LGR5: variants seen among roughly 807,000 people sequenced by gnomAD.
The protein encoded by LGR5 is leucine rich repeat containing G protein-coupled receptor 5, also known as leucine-rich repeat-containing G protein-coupled receptor 5.
LGR5 carries 54 observed loss-of-function variants against 76.7 expected under a neutral mutation model. The observed-to-expected ratio is 0.70, with a 90% CI of 0.57 to 0.88. The LOEUF (loss-of-function observed/expected upper bound fraction) is 0.88. Among genes scored for constraint, LGR5 ranks in the 40% least tolerant of loss-of-function variants. LGR5 has a pLI of 0.00. For missense variants in LGR5, 1,078 were observed against 1,073.3 expected (o/e 1.00, Z -0.06); for synonymous variants, 406 against 421.9 (o/e 0.96, Z 0.46).
At chr12:71,529,833 G>T (rs979943205) in intron 3 of LGR5, among the ~76,000 whole-genome samples, 1 of 151,956 alleles carries the variant, frequency 6.6e-6, no homozygotes, top group East Asian at 1.9e-4. Context: ...GTGCACCCCT[G>T]TAATCCCAGC....
chr12:71,578,139 G>GCC (rs1029463155), intron 14 of LGR5, 143 bp downstream of exon 14: 3 of 611,208 alleles, frequency 4.9e-6, no homozygotes, highest in Non-Finnish European at 8.6e-6. Flanking sequence ...GCTTGTCAGA[G>GCC]CCAGGGAGGA....
intron 13 of LGR5, among the ~76,000 whole-genome samples, chr12:71,576,833 A>G (rs1395469538): frequency 6.6e-6 from 1 of 152,100 alleles, no homozygotes; most frequent in East Asian, 1.9e-4. Context: ...TTACTTGCTC[A>G]CCTCAGTGAC....
intron 1 of LGR5, among the ~76,000 whole-genome samples, chr12:71,481,729 A>C (rs1873613576): frequency 1.3e-5 from 2 of 152,350 alleles, no homozygotes; most frequent in Middle Eastern, 3.4e-3. Context: ...TGATTATTGC[A>C]CAAGGTAGGG....
At chr12:71,491,540 A>G (rs1592486281) in intron 1 of LGR5, among the ~76,000 whole-genome samples, 3 of 152,026 alleles carry the variant, frequency 2.0e-5, no homozygotes, top group East Asian at 3.9e-4. Context: ...AGTTGAATCT[A>G]TGACAGAGTT....
chr12:71,584,256 G>A lies in LGR5; in HGVS notation c.2246G>A (p.Cys749Tyr), dbSNP rs1879223415. ...ACCATTGCCTACACCAAGCTCTACT[G>A]CAATTTGGACAAGGGAGACCTGGAG... ...MMTIAYTKLY[C>Y]NLDKGDLENI... Residue 749 changes from cysteine (C) to tyrosine (Y), a missense_variant, in exon 18 of 18, where the codon TGC becomes TAC. Coordinates refer to ENST00000266674, the MANE Select transcript of LGR5 (RefSeq NM_003667.4). The A allele has an allele frequency of 6.2e-7, 1 of 1,614,124 alleles. No individual in the cohort carries two copies.
intron 6 of LGR5, among the ~76,000 whole-genome samples, chr12:71,558,818 A>T (rs1877909512): frequency 6.6e-6 from 1 of 152,246 alleles, no homozygotes; most frequent in Non-Finnish European, 1.5e-5. Context: ...GATATAAGGT[A>T]GAGTAAGTCT....
chr12:71,500,782 G>A (rs908905393), intron 1 of LGR5, among the ~76,000 whole-genome samples: 3 of 151,950 alleles, frequency 2.0e-5, no homozygotes, highest in Admixed American at 6.6e-5. Context: ...ATTTTTTAAA[G>A]CTCCTGGGTT....
chr12:71,525,131 C>A (rs1455219955), intron 3 of LGR5, among the ~76,000 whole-genome samples: 2 of 151,860 alleles, frequency 1.3e-5, no homozygotes, highest in African/African-American at 4.8e-5. Context: ...AAAAAAGAGG[C>A]ACTTACGTAG....
intron 6 of LGR5, 84 bp downstream of exon 6, chr12:71,556,774 T>C (rs1397358087): frequency 1.8e-6 from 2 of 1,087,210 alleles, no homozygotes; most frequent in African/African-American, 3.1e-5. Flanking sequence ...AAGCCAGACT[T>C]TGTTTGGTTT....
chr12:71,443,529 G>A (rs143440457), intron 1 of LGR5, among the ~76,000 whole-genome samples: 1 of 152,290 alleles, frequency 6.6e-6, no homozygotes, highest in Non-Finnish European at 1.5e-5. Context: ...AACGCACCAA[G>A]GTTGAGATAT....
intron 1 of LGR5, among the ~76,000 whole-genome samples, chr12:71,488,556 G>A (rs1873934144): frequency 6.6e-6 from 1 of 152,186 alleles, no homozygotes; most frequent in African/African-American, 2.4e-5. Flanking sequence ...GTCATGGGAA[G>A]CTTTCTTCAC....
intron 2 of LGR5, among the ~76,000 whole-genome samples, chr12:71,520,916 A>T (rs1475083022): frequency 1.3e-5 from 2 of 152,024 alleles, no homozygotes; most frequent in African/African-American, 2.4e-5. Flanking sequence ...GGAAAATTTT[A>T]AAAATGCTAC....
intron 5 of LGR5, among the ~76,000 whole-genome samples, chr12:71,553,900 G>T (rs1230203795): frequency 1.3e-5 from 2 of 152,120 alleles, no homozygotes; most frequent in African/African-American, 2.4e-5. Context: ...AGGCCAGCCT[G>T]GTCAACATGG....
intron 4 of LGR5, among the ~76,000 whole-genome samples, chr12:71,536,140 T>G (rs1276648760): frequency 1.3e-5 from 2 of 152,202 alleles, no homozygotes; most frequent in Non-Finnish European, 2.9e-5. Context: ...AATACTGGGT[T>G]GTAGTTCGTG....
At chr12:71,577,894 T>G in intron 13 of LGR5, 31 bp from the exon 14 acceptor site, 1 of 1,412,582 alleles carries the variant, frequency 7.1e-7, no homozygotes, top group Non-Finnish European at 1.0e-6. Context: ...TTATTCTATA[T>G]AATTCTCTCA....
chr12:71,489,301 C>T (rs576976994), intron 1 of LGR5, among the ~76,000 whole-genome samples: 9 of 152,200 alleles, frequency 5.9e-5, no homozygotes, highest in Middle Eastern at 6.8e-3. Flanking sequence ...TGAGTAATGG[C>T]GTACAGGACT....
At chr12:71,497,001 T>G (rs995277237) in intron 1 of LGR5, among the ~76,000 whole-genome samples, 7 of 152,054 alleles carry the variant, frequency 4.6e-5, no homozygotes, top group Non-Finnish European at 1.0e-4. Context: ...TGCTAGTTAA[T>G]GAGGTGTGTT....
intron 2 of LGR5, among the ~76,000 whole-genome samples, chr12:71,523,571 C>T (rs914228034): frequency 7.2e-5 from 11 of 152,188 alleles, no homozygotes; most frequent in African/African-American, 2.7e-4. Flanking sequence ...CCTCAAAATA[C>T]TGTGCTCTTT....
intron 4 of LGR5, among the ~76,000 whole-genome samples, chr12:71,542,925 C>T (rs1876958324): frequency 6.6e-6 from 1 of 152,108 alleles, no homozygotes; most frequent in Non-Finnish European, 1.5e-5. Flanking sequence ...TCCTCTTCAC[C>T]TAACACTTCA....
Sources: allele counts gnomAD v4.1 joint callset (sites outside exome capture counted in the v4.1 genomes callset), GRCh38; gene constraint gnomAD v4.1.1; transcripts MANE v1.5; gene names NCBI Gene and HGNC (gene_info 2026-07-23, HGNC 2026-07-21).